NPEPL1: variants seen among roughly 807,000 people sequenced by gnomAD.
NPEPL1 encodes the protein probable aminopeptidase NPEPL1.
Under a neutral mutation model 52.4 loss-of-function variants are expected in NPEPL1, and 45 were observed. The observed-to-expected ratio is 0.86, with a 90% CI of 0.68 to 1.10. NPEPL1 has a LOEUF of 1.10. Ranked by LOEUF, NPEPL1 falls within the 50% of genes least tolerant of loss-of-function variation. The pLI is 0.00. For missense variants in NPEPL1, 696 were observed against 710.9 expected, an observed-to-expected ratio of 0.98 and a Z score of 0.24; for synonymous variants, 360 against 314.7, an observed-to-expected ratio of 1.14 and a Z score of -1.52.
intron 5 of NPEPL1, among the ~76,000 whole-genome samples, chr20:58,700,344 C>T (rs940533939): frequency 1.3e-5 from 2 of 152,210 alleles, no homozygotes; most frequent in African/African-American, 4.8e-5. Context: ...CTGGTGGTGT[C>T]TACCTAGACA....
At chr20:58,698,527 C>G (rs2084538639) in intron 3 of NPEPL1, among the ~76,000 whole-genome samples, 157 bp from the exon 4 acceptor site, 1 of 151,986 alleles carries the variant, frequency 6.6e-6, no homozygotes, top group Admixed American at 6.5e-5. Flanking sequence ...GTGGGGCAGG[C>G]AGCGAGAGCC....
intron 7 of NPEPL1, chr20:58,711,323 C>T (rs1325949339): frequency 6.6e-6 from 1 of 152,018 alleles, no homozygotes; most frequent in East Asian, 1.9e-4. Context: ...CCTGGAATGA[C>T]CACAGGAGGC....
In NPEPL1 at chr20:58,715,343, C is replaced by T. The variant is rs1178112242; in HGVS notation, c.*17C>T. 3 of 1,587,018 alleles carry T rather than the reference C, an allele frequency of 1.9e-6. No homozygotes were observed. Among genetic ancestry groups the T allele is most frequent in the African/African-American group, 2.7e-5 (2 of 73,898 alleles). ...CTTGTGTGAGCCTCCTGCCTCGGCCCTGACAAACGGGGATCTTTTACCTCA... is the reference window on the plus strand; with the variant it reads ...CTTGTGTGAGCCTCCTGCCTCGGCCTTGACAAACGGGGATCTTTTACCTCA... On this transcript the variant is annotated 3_prime_UTR_variant, in exon 12 of 12. Coordinates refer to ENST00000356091, the MANE Select transcript of NPEPL1 (RefSeq NM_024663.4).
upstream of NPEPL1, among the ~76,000 whole-genome samples, chr20:58,689,638 C>A (rs1444680096): frequency 6.6e-6 from 1 of 152,184 alleles, no homozygotes; most frequent in Admixed American, 6.5e-5. Context: ...ATTCCTTGGT[C>A]AGGGATCAGA....
upstream of NPEPL1, among the ~76,000 whole-genome samples, chr20:58,689,887 AC>A (rs1378198086): frequency 6.6e-6 from 1 of 152,174 alleles, no homozygotes; most frequent in Non-Finnish European, 1.5e-5. Flanking sequence ...GCTTTTCAGA[AC>A]TGATGTTCAA....
Position 58,714,646 on chromosome 20 carries a change from G to T in NPEPL1, c.1389G>T (p.Leu463=). 1 of 1,594,730 alleles carries T rather than the reference G, an allele frequency of 6.3e-7. No individual in the cohort carries two copies. The highest frequency in any genetic ancestry group is 1.3e-5 in the African/African-American group (1 of 74,646). The part of the protein sequence containing the change: ...GFDWPGVWVH[L]DIAAPVHAGE... ...ACTGGCCCGGAGTCTGGGTCCACCT[G>T]GACATTGCTGCACCGGTGCATGCTG... is the stretch of plus-strand genomic sequence containing the variant. Residue 463 remains leucine (L), a synonymous_variant, in exon 11 of 12, where the codon CTG becomes CTT. Transcript: ENST00000356091.
chr20:58,707,020 G>A, intron 6 of NPEPL1, 103 bp from the exon 7 acceptor site: 1 of 1,173,710 alleles, frequency 8.5e-7, no homozygotes, highest in Non-Finnish European at 1.2e-6. Flanking sequence ...GAGAGCTGGG[G>A]AAGGTGGGGC....
upstream of NPEPL1, chr20:58,691,640 C>T: frequency 1.4e-6 from 1 of 694,862 alleles, no homozygotes; most frequent in Non-Finnish European, 2.4e-6. Context: ...TGGTGGAAAA[C>T]CTCTCACACC....
chr20:58,703,598 A>C (rs1294073110), intron 6 of NPEPL1: 1 of 985,186 alleles, frequency 1.0e-6, no homozygotes, highest in African/African-American at 1.7e-5. Flanking sequence ...ATGTGAGAAG[A>C]TGAGCTTCCT....
At chr20:58,710,278 GCCCACCTCAGCCT>G (rs1223646375) in intron 7 of NPEPL1, among the ~76,000 whole-genome samples, 2 of 152,132 alleles carry the variant, frequency 1.3e-5, no homozygotes, top group East Asian at 3.9e-4. Flanking sequence ...CAAGTGATCC[GCCCACCTCAGCCT>G]CCCAAAGTGC....
In NPEPL1 at chr20:58,715,499, C is replaced by A; in HGVS notation, c.*173C>A. ...AGACAGCTTAGGGTTTGGTGCGGGCCACGGGGAGGGGACCGGGAAGCGCTG... is the reference window on the plus strand; with the variant it reads ...AGACAGCTTAGGGTTTGGTGCGGGCAACGGGGAGGGGACCGGGAAGCGCTG... On this transcript the variant is annotated 3_prime_UTR_variant, in exon 12 of 12. Coordinates refer to ENST00000356091, the MANE Select transcript of NPEPL1 (RefSeq NM_024663.4). The A allele has an allele frequency of 1.5e-6, 1 of 648,602 alleles. No individual in the cohort carries two copies. Among genetic ancestry groups the A allele is most frequent in the Non-Finnish European group, 2.5e-6 (1 of 405,430 alleles). The allele number at this position is 648,602 out of a possible 1,614,324, so 40.2% of individuals were successfully genotyped here.
At chr20:58,699,437 C>T (rs1308121491) in intron 5 of NPEPL1, among the ~76,000 whole-genome samples, 159 bp downstream of exon 5, 4 of 152,180 alleles carry the variant, frequency 2.6e-5, no homozygotes, top group African/African-American at 2.4e-5. Context: ...GTGCCGGACC[C>T]TGGGAAGCAG....
chr20:58,693,937 AG>A lies in NPEPL1; in HGVS notation c.336+17del. ...GCTGCATTGTGGTGAGTGCTTCGAG[AG>A]GAGGCAGCCACGGTGCTCCTAGTCG... On this transcript the variant is annotated intron_variant, in intron 2 of 11. Transcript: ENST00000356091. 6.4e-7 allele frequency: 1 copy of A among 1,557,374 alleles called. No individual in the cohort carries two copies. The highest frequency in any genetic ancestry group is 8.7e-7 in the Non-Finnish European group (1 of 1,147,698).
intron 3 of NPEPL1, among the ~76,000 whole-genome samples, chr20:58,696,020 A>G (rs988926050): frequency 2.6e-5 from 4 of 152,174 alleles, no homozygotes; most frequent in Non-Finnish European, 4.4e-5. Flanking sequence ...TCTCCGGGTC[A>G]GACACCAGCA....
At chr20:58,694,343 G>T in intron 2 of NPEPL1, 79 bp from the exon 3 acceptor site, 1 of 1,417,658 alleles carries the variant, frequency 7.1e-7, no homozygotes, top group Non-Finnish European at 9.5e-7. Context: ...TGATGTTCCG[G>T]AGGCGTTCAA....
chr20:58,714,886 G>A (rs2084922800), intron 11 of NPEPL1: 1 of 609,356 alleles, frequency 1.6e-6, no homozygotes, highest in Non-Finnish European at 2.9e-6. Flanking sequence ...TCCTCCATAG[G>A]GGATCCTGGG....
intron 6 of NPEPL1, chr20:58,703,412 C>T (rs1411658463): frequency 1.9e-5 from 18 of 955,820 alleles, no homozygotes; most frequent in East Asian, 1.2e-4. Flanking sequence ...TTCCTAAATT[C>T]GCCACAGATA....
At chr20:58,701,499 C>T (rs1319780664) in intron 6 of NPEPL1, among the ~76,000 whole-genome samples, 1 of 151,942 alleles carries the variant, frequency 6.6e-6, no homozygotes, top group Non-Finnish European at 1.5e-5. Context: ...AGGGCGGGTT[C>T]CCATGTGCTG....
At chr20:58,693,100 C>G (rs2084388139) in intron 1 of NPEPL1, 50 bp downstream of exon 1, 1 of 988,380 alleles carries the variant, frequency 1.0e-6, no homozygotes, top group South Asian at 4.5e-5. Flanking sequence ...AAGCCCAGGC[C>G]CGGGCGGCCC....
Sources: gnomAD v4.1 joint callset for allele counts (sites outside exome capture counted in the v4.1 genomes callset) on GRCh38, gnomAD v4.1.1 for gene constraint, MANE v1.5 for transcripts, NCBI Gene and HGNC (gene_info 2026-07-23, HGNC 2026-07-21) for gene names.